Variants in SMC3 observed in about 807,000 individuals in gnomAD.
SMC3 encodes structural maintenance of chromosomes protein 3.
Under a neutral mutation model 171.8 loss-of-function variants are expected in SMC3, and 20 were observed. The ratio of observed to expected loss-of-function variants is 0.12; its 90% CI spans 0.08 to 0.17. The LOEUF is 0.17. Among genes scored for constraint, SMC3 ranks in the 10% least tolerant of loss-of-function variants. The probability of loss-of-function intolerance (pLI) is 1.00; values close to 1 mark genes in which losing one functional copy is unlikely to be tolerated. For missense variants in SMC3, 543 were observed against 1,420.4 expected (o/e 0.38, Z 9.93); for synonymous variants, 464 against 451.1 (o/e 1.03, Z -0.36).
At position 110,567,718 on chromosome 10, in the gene SMC3, C is replaced by G; in HGVS notation, c.-99C>G. ...TTGTTTGGCTGAGGGGAGCGAGCGG[C>G]GCTTTGGGGGAGGGGTCGCGTAGGC... On this transcript the variant is annotated 5_prime_UTR_variant, in exon 1 of 29. Transcript: ENST00000361804. 6.9e-7 allele frequency: 1 copy of G among 1,451,820 alleles called. No individual in the cohort carries two copies. Among genetic ancestry groups the G allele is most frequent in the Non-Finnish European group, 9.6e-7 (1 of 1,039,638 alleles). The allele number at this position is 1,451,820 out of a possible 1,614,324, so 89.9% of individuals were successfully genotyped here.
At chr10:110,587,349 GA>G (rs1287431507) in intron 13 of SMC3, among the ~76,000 whole-genome samples, 1 of 152,148 alleles carries the variant, frequency 6.6e-6, no homozygotes, top group Non-Finnish European at 1.5e-5. Context: ...TTAGTGTTCA[GA>G]TACACCTGGA....
intron 20 of SMC3, among the ~76,000 whole-genome samples, chr10:110,599,200 C>T (rs1014632584): frequency 1.3e-5 from 2 of 152,142 alleles, no homozygotes; most frequent in Non-Finnish European, 2.9e-5. Context: ...TGGGTTCAAG[C>T]AATTCTCCTG....
At position 110,573,064 on chromosome 10, in the gene SMC3, TTG is replaced by T. The variant is rs200842232; in HGVS notation, c.92-640_92-639del. Among the ~76,000 whole-genome samples, 1,130 of 152,260 alleles carry T rather than the reference TTG, an allele frequency of 7.4e-3. 9 individuals carry two copies. The highest frequency in any genetic ancestry group is 9.9e-3 in the Non-Finnish European group (672 of 68,010). Reference sequence around the variant, plus strand: ...TTACTTTGCATTAAAGGTGGTAACTTTGTGGTTAATTTGCTCAGGATATTTCT... The same window carrying T: ...TTACTTTGCATTAAAGGTGGTAACTTTGGTTAATTTGCTCAGGATATTTCT... On this transcript the variant is annotated intron_variant, in intron 2 of 28. Coordinates refer to ENST00000361804, the MANE Select transcript of SMC3 (RefSeq NM_005445.4).
intron 14 of SMC3, 79 bp from the exon 15 acceptor site, chr10:110,589,813 T>C: frequency 6.6e-7 from 1 of 1,504,510 alleles, no homozygotes; most frequent in Non-Finnish European, 9.2e-7. Flanking sequence ...GTTTTCTGTA[T>C]TTTGATTCTA....
intron 7 of SMC3, among the ~76,000 whole-genome samples, chr10:110,579,143 T>A (rs1860995880): frequency 6.6e-6 from 1 of 152,234 alleles, no homozygotes; most frequent in African/African-American, 2.4e-5. Context: ...TGTTTTTACA[T>A]TTTTTCAGCA....
chr10:110,568,227 A>G (rs1166919459), intron 1 of SMC3: 4 of 286,824 alleles, frequency 1.4e-5, no homozygotes, highest in African/African-American at 4.5e-5. Flanking sequence ...CACACGGCCC[A>G]TGTGCCTGGG....
At chr10:110,596,574 TGATA>T (rs1209791478) in intron 19 of SMC3, 24 bp downstream of exon 19, 1 of 1,605,732 alleles carries the variant, frequency 6.2e-7, no homozygotes, top group Admixed American at 1.7e-5. Flanking sequence ...TTGTGCATAG[TGATA>T]GATATTGTGG....
chr10:110,583,850 T>C lies in SMC3; in HGVS notation c.979T>C (p.Leu327=), dbSNP rs1163646408. 1.2e-6 allele frequency: 2 copies of C among 1,612,998 alleles called. No homozygotes were observed. The highest frequency in any genetic ancestry group is 1.7e-5 in the Admixed American group (1 of 59,864). The change falls in exon 12 of 29, where the codon TTA becomes CTA. Residue 327 remains leucine, a synonymous_variant. Coordinates refer to ENST00000361804, the MANE Select transcript of SMC3 (RefSeq NM_005445.4). ...TTTACTTTGTTTACAGAAACGTTTA[T>C]TAAAAGAGAGGCAGAAGCTGCTTGA... The part of the protein sequence containing the change: ...AGNSEQRKRL[L]KERQKLLEKI...
At chr10:110,602,410 T>G (rs1297947181) in intron 25 of SMC3, 64 bp from the exon 26 acceptor site, 1 of 1,328,624 alleles carries the variant, frequency 7.5e-7, no homozygotes, top group East Asian at 2.5e-5. Context: ...CTTTTAAATA[T>G]TTTACTTAAG....
intron 2 of SMC3, among the ~76,000 whole-genome samples, chr10:110,571,714 T>C (rs1410476700): frequency 3.3e-5 from 5 of 152,192 alleles, no homozygotes; most frequent in African/African-American, 7.2e-5. Flanking sequence ...GGGCCACATA[T>C]AAACTGTGTT....
At chr10:110,573,490 T>C (rs566186735) in intron 2 of SMC3, among the ~76,000 whole-genome samples, 12 of 152,134 alleles carry the variant, frequency 7.9e-5, no homozygotes, top group Non-Finnish European at 1.6e-4. Context: ...CTGTGAAATA[T>C]CTTTAAAGAA....
Position 110,603,168 on chromosome 10 carries a change from A to G in SMC3, c.3476-16A>G. ...GCTGAAAAGAAATTTGTTAAAGCAC[A>G]ATTTTCTTTTTACAGATATGATTAT... On this transcript the variant is annotated splice_polypyrimidine_tract_variant and intron_variant, in intron 27 of 28. Transcript: ENST00000361804. 6.3e-7 allele frequency: 1 copy of G among 1,587,584 alleles called. No homozygotes were observed. The highest frequency in any genetic ancestry group is 1.1e-5 in the South Asian group (1 of 90,516).
chr10:110,589,493 C>T, intron 13 of SMC3, 112 bp from the exon 14 acceptor site: 1 of 706,988 alleles, frequency 1.4e-6, no homozygotes, highest in South Asian at 1.7e-5. Flanking sequence ...TTTGTAATTC[C>T]TCCCTCACCT....
At position 110,583,239 on chromosome 10, in the gene SMC3, A is replaced by G. The variant is rs1232324236; in HGVS notation, c.805-145A>G. On this transcript the variant is annotated intron_variant, in intron 10 of 28. Coordinates refer to ENST00000361804, the MANE Select transcript of SMC3 (RefSeq NM_005445.4). ...AAACCCTTTTGTACCAGAATTATGG[A>G]ATGATTACACAAGGGAGAGTTAGAG... The G allele has an allele frequency of 2.2e-5, 15 of 695,668 alleles. No individual in the cohort carries two copies. In the Admixed American group the frequency reaches 3.6e-4, roughly 17 times the overall value. 43.1% of individuals were successfully genotyped at this position (695,668 alleles called of 1,614,324 possible).
At chr10:110,589,099 C>G (rs1277138276) in intron 13 of SMC3, among the ~76,000 whole-genome samples, 2 of 151,982 alleles carry the variant, frequency 1.3e-5, no homozygotes, top group Non-Finnish European at 2.9e-5. Flanking sequence ...CTTTTAAAAA[C>G]TGAAATGGGG....
In SMC3 at chr10:110,605,726, C is replaced by T. The variant is rs575352458; in HGVS notation, c.*1424C>T. On this transcript the variant is annotated 3_prime_UTR_variant, in exon 29 of 29. Transcript: ENST00000361804. ...ATCTATGACTACATTCAAAGGGTTA[C>T]GTAACTATAATATCTTTCTAATATT... 1.6e-4 allele frequency among the ~76,000 whole-genome samples: 24 copies of T among 152,218 alleles called. No homozygotes were observed. The highest frequency in any genetic ancestry group is 3.9e-4 in the African/African-American group (16 of 41,542).
intron 13 of SMC3, among the ~76,000 whole-genome samples, chr10:110,586,581 T>G (rs1861120081): frequency 6.6e-6 from 1 of 152,194 alleles, no homozygotes; most frequent in South Asian, 2.1e-4. Flanking sequence ...CAGCCACACT[T>G]TTGGTTATCA....
chr10:110,572,964 G>C (rs1860893726), intron 2 of SMC3, among the ~76,000 whole-genome samples: 1 of 152,062 alleles, frequency 6.6e-6, no homozygotes, highest in African/African-American at 2.4e-5. Context: ...CTTCAAGCTG[G>C]CTCCTGTGTC....
intron 3 of SMC3, 133 bp downstream of exon 3, chr10:110,573,878 T>G (rs530791097): frequency 1.4e-6 from 1 of 697,562 alleles, no homozygotes; most frequent in African/African-American, 1.8e-5. Flanking sequence ...TGCAGCTTAG[T>G]GTAGAGGGTT....
Sources: gnomAD v4.1 joint callset for allele counts (sites outside exome capture counted in the v4.1 genomes callset) on GRCh38, gnomAD v4.1.1 for gene constraint, MANE v1.5 for transcripts, NCBI Gene and HGNC (gene_info 2026-07-23, HGNC 2026-07-21) for gene names.